Variants in MORC4 observed in about 807,000 individuals in gnomAD.
The protein encoded by MORC4 is MORC family CW-type zinc finger protein 4.
In MORC4, 22 loss-of-function variants were observed where a neutral mutation model predicts 65.5. That is an observed-to-expected ratio of 0.34 (90% CI 0.24 to 0.48). MORC4 has a LOEUF of 0.48. Ranked by LOEUF, MORC4 falls within the 20% of genes least tolerant of loss-of-function variation. MORC4 has a pLI of 0.99. For synonymous variants in MORC4, 267 were observed against 255.8 expected (o/e 1.04, Z -0.42); for missense variants, 624 against 703.0 (o/e 0.89, Z 1.27).
intron 3 of MORC4, among the ~76,000 whole-genome samples, chrX:106,989,554 T>C (rs190031939): frequency 5.3e-4 from 59 of 111,992 alleles, no homozygotes; most frequent in African/African-American, 1.9e-3. Flanking sequence ...TTTTTCCAAA[T>C]ACAAAAGTAA....
intron 14 of MORC4, among the ~76,000 whole-genome samples, chrX:106,943,667 AG>A (rs1399046458): frequency 1.8e-5 from 2 of 112,676 alleles, no homozygotes; most frequent in African/African-American, 6.4e-5. Context: ...CCCGTATCAA[AG>A]ACTTATGCAC....
intron 8 of MORC4, 69 bp from the exon 9 acceptor site, chrX:106,976,753 C>A: frequency 1.3e-6 from 1 of 750,641 alleles, no homozygotes; most frequent in Non-Finnish European, 2.0e-6. Context: ...CCTTTTGATT[C>A]CAAACAATAA....
chrX:106,980,197 CTAA>C (rs1348987376), intron 7 of MORC4, among the ~76,000 whole-genome samples: 3 of 111,143 alleles, frequency 2.7e-5, no homozygotes, highest in Admixed American at 9.6e-5. Context: ...AAAGTTGTAC[CTAA>C]TTTCCATAGT....
intron 3 of MORC4, among the ~76,000 whole-genome samples, chrX:106,987,444 T>G (rs777055612): frequency 8.9e-6 from 1 of 112,173 alleles, no homozygotes; most frequent in Non-Finnish European, 1.9e-5. Flanking sequence ...AATAAATATT[T>G]AAACTAAGCA....
At chrX:106,964,462 T>C (rs1934326926) in intron 9 of MORC4, among the ~76,000 whole-genome samples, 1 of 111,184 alleles carries the variant, frequency 9.0e-6, no homozygotes, top group Non-Finnish European at 1.9e-5. Flanking sequence ...ACAGAAAGAA[T>C]ACTTGAATAA....
chrX:106,994,197 G>A (rs1235309615), intron 2 of MORC4, among the ~76,000 whole-genome samples: 1 of 112,300 alleles, frequency 8.9e-6, no homozygotes, highest in Admixed American at 9.4e-5. Context: ...CCCCAGGGGG[G>A]TGCCACTGTC....
At chrX:106,987,594 T>C (rs1298460851) in intron 3 of MORC4, among the ~76,000 whole-genome samples, 1 of 111,732 alleles carries the variant, frequency 8.9e-6, no homozygotes. Context: ...ATAAAATAGA[T>C]ACTCTGGTCA....
intron 14 of MORC4, among the ~76,000 whole-genome samples, chrX:106,946,239 C>T (rs1467411206): frequency 1.8e-5 from 2 of 112,257 alleles, no homozygotes; most frequent in East Asian, 2.8e-4. Flanking sequence ...ACCTCCTACA[C>T]ATCAGCAGTT....
At chrX:106,984,561 T>C (rs1934827396) in intron 5 of MORC4, among the ~76,000 whole-genome samples, 1 of 96,678 alleles carries the variant, frequency 1.0e-5, no homozygotes, top group Admixed American at 1.2e-4. Flanking sequence ...CTCCACCTCC[T>C]GGGTTCAAGC....
rs752392465 is a variant in MORC4 at position 106,942,954 on chromosome X, T to C, written c.1937A>G (p.Tyr646Cys). The C allele has an allele frequency of 5.8e-6, 7 of 1,211,691 alleles. No individual in the cohort carries two copies. In the South Asian group the frequency reaches 8.8e-5, roughly 15 times the overall value. Reference sequence around the variant, plus strand: ...CTGGCGTTGGTCTTTGGCCCCTGGATACAGAATTGAAACCTCCCTATTCTG... The same window carrying C: ...CTGGCGTTGGTCTTTGGCCCCTGGACACAGAATTGAAACCTCCCTATTCTG... ...TGQNREVSIL[Y>C]PGAKDQRQGS... Residue 646 changes from tyrosine to cysteine, a missense_variant, in exon 15 of 17, where the codon TAT (tyrosine) becomes TGT (cysteine). By Grantham distance (194) the Tyr-to-Cys change is radical (BLOSUM62 -2). Coordinates refer to ENST00000355610, the MANE Select transcript of MORC4 (RefSeq NM_024657.5).
In MORC4 at chrX:106,976,678, G is replaced by A. The variant is rs767691764; in HGVS notation, c.1063C>T (p.Arg355Cys). 6 of 1,193,512 alleles carry A rather than the reference G, an allele frequency of 5.0e-6. No individual in the cohort carries two copies. The highest frequency in any genetic ancestry group is 5.7e-6 in the Non-Finnish European group (5 of 880,412). Reference protein sequence around the residue: ...EKVGCQVKPTRGEGVGVIGVI... With the variant: ...EKVGCQVKPTCGEGVGVIGVI... ...CCAATTACTCCTACACCTTCTCCAC[G>A]AGTTGGCTTAGAAGAAAATATTAAT... The change falls in exon 9 of 17, where the codon CGT becomes TGT. Residue 355 changes from arginine to cysteine, a missense_variant. Arg to Cys is a radical substitution (Grantham distance 180, BLOSUM62 -3). Coordinates refer to ENST00000355610, the MANE Select transcript of MORC4 (RefSeq NM_024657.5).
intron 10 of MORC4, among the ~76,000 whole-genome samples, chrX:106,960,979 C>G (rs1159318000): frequency 3.6e-5 from 4 of 112,036 alleles, no homozygotes; most frequent in African/African-American, 1.3e-4. Context: ...GTGTAACTGA[C>G]TGTGTATGTG....
At chrX:106,986,596 T>C (rs1310455155) in intron 3 of MORC4, among the ~76,000 whole-genome samples, 1 of 111,638 alleles carries the variant, frequency 9.0e-6, no homozygotes, top group African/African-American at 3.3e-5. Flanking sequence ...AATGTAGTTA[T>C]CTAGAGAGGG....
chrX:106,975,037 A>C (rs994626901), intron 9 of MORC4, among the ~76,000 whole-genome samples: 1 of 111,494 alleles, frequency 9.0e-6, no homozygotes, highest in African/African-American at 3.3e-5. Flanking sequence ...CTGTCTACAG[A>C]CTATCTCTAT....
intron 3 of MORC4, among the ~76,000 whole-genome samples, chrX:106,989,347 G>A (rs1466278241): frequency 6.3e-5 from 7 of 111,934 alleles, no homozygotes; most frequent in Admixed American, 9.5e-5. Flanking sequence ...TTAATAATAG[G>A]TTTTTCCTTT....
At chrX:106,948,448 A>G (rs772912736) in intron 14 of MORC4, among the ~76,000 whole-genome samples, 2 of 112,131 alleles carry the variant, frequency 1.8e-5, no homozygotes, top group East Asian at 5.6e-4. Flanking sequence ...TGTTATTTAA[A>G]TTGGTTAAGA....
intron 2 of MORC4, among the ~76,000 whole-genome samples, chrX:106,999,458 C>T (rs1265989029): frequency 2.7e-5 from 3 of 112,132 alleles, no homozygotes; most frequent in Non-Finnish European, 5.7e-5. Context: ...GTCTTTAACG[C>T]TTCAGACACA....
chrX:106,987,144 T>C (rs1294428388), intron 3 of MORC4, among the ~76,000 whole-genome samples: 1 of 111,693 alleles, frequency 9.0e-6, no homozygotes, highest in Non-Finnish European at 1.9e-5. Context: ...AAAAAAGTTC[T>C]AATGTTCCAT....
At chrX:106,956,597 C>T (rs1472071980) in intron 12 of MORC4, 63 bp from the exon 13 acceptor site, 7 of 897,592 alleles carry the variant, frequency 7.8e-6, no homozygotes, top group Non-Finnish European at 1.1e-5. Flanking sequence ...AAATGGACTG[C>T]CAATTGTAGA....
Sources: gnomAD v4.1 joint callset for allele counts (sites outside exome capture counted in the v4.1 genomes callset) on GRCh38, gnomAD v4.1.1 for gene constraint, MANE v1.5 for transcripts, NCBI Gene and HGNC (gene_info 2026-07-23, HGNC 2026-07-21) for gene names.